Variants in GANC observed in about 807,000 individuals in gnomAD.
GANC encodes glucosidase alpha, neutral C.
In GANC, 117 loss-of-function variants were observed where a neutral mutation model predicts 124.2. That is an observed-to-expected ratio of 0.94 (90% CI 0.81 to 1.10). The LOEUF (loss-of-function observed/expected upper bound fraction) is 1.10. Among genes scored for constraint, GANC ranks in the 50% least tolerant of loss-of-function variants. GANC has a pLI of 0.00. For missense variants in GANC, 1,140 were observed against 1,095.0 expected (o/e 1.04, Z -0.58); for synonymous variants, 377 against 376.8 (o/e 1.00, Z -0.01).
At chr15:42,350,578 G>A (rs1401319454) in intron 22 of GANC, among the ~76,000 whole-genome samples, 1 of 141,320 alleles carries the variant, frequency 7.1e-6, no homozygotes, top group Non-Finnish European at 1.5e-5. Context: ...TTGAGACGGA[G>A]TTTTGCTCTT....
intron 10 of GANC, among the ~76,000 whole-genome samples, chr15:42,317,345 G>C (rs1230129534): frequency 6.6e-6 from 1 of 152,200 alleles, no homozygotes; most frequent in Non-Finnish European, 1.5e-5. Context: ...CTTATATGAA[G>C]TAGCTATGAT....
chr15:42,319,770 T>C (rs1391523044), intron 10 of GANC, among the ~76,000 whole-genome samples: 1 of 152,212 alleles, frequency 6.6e-6, no homozygotes, highest in African/African-American at 2.4e-5. Flanking sequence ...TGTTTCAGTT[T>C]TGGGATTATT....
Position 42,329,446 on chromosome 15 carries a change from T to A in GANC, c.1641T>A (p.Tyr547Ter). Residue 547 changes from tyrosine to a stop codon, truncating the protein, a stop_gained, in exon 14 of 24, where the codon TAT becomes TAA. Coordinates refer to ENST00000318010, the MANE Select transcript of GANC (RefSeq NM_198141.3). LOFTEE classifies it high-confidence loss of function. Reference protein sequence around the residue: ...HRELHNIYGFYHQMATAEGLI... With the variant: ...HRELHNIYGF ...AGCTCCACAACATCTACGGTTTTTA[T>A]CATGTAAGACATCCAAAAAGAATTA... 1 of 1,608,206 alleles carries A rather than the reference T, an allele frequency of 6.2e-7. No homozygotes were observed. The highest frequency in any genetic ancestry group is 8.5e-7 in the Non-Finnish European group (1 of 1,178,134).
chr15:42,282,462 T>C (rs1031426389), intron 3 of GANC, among the ~76,000 whole-genome samples: 1 of 152,200 alleles, frequency 6.6e-6, no homozygotes, highest in Non-Finnish European at 1.5e-5. Flanking sequence ...CATCCACTTA[T>C]TCAGAATGAT....
intron 12 of GANC, 25 bp downstream of exon 12, chr15:42,326,449 T>C (rs1454362460): frequency 3.1e-6 from 5 of 1,613,648 alleles, no homozygotes; most frequent in Non-Finnish European, 4.2e-6. Context: ...TATACACTTA[T>C]TATTTCCACA....
At chr15:42,336,571 T>C (rs2052284854) in intron 15 of GANC, among the ~76,000 whole-genome samples, 1 of 152,170 alleles carries the variant, frequency 6.6e-6, no homozygotes, top group Admixed American at 6.5e-5. Flanking sequence ...GACATGGGAA[T>C]AGGCAAAGAT....
chr15:42,287,326 T>A (rs1170779318), intron 3 of GANC, among the ~76,000 whole-genome samples: 1 of 152,222 alleles, frequency 6.6e-6, no homozygotes, highest in Non-Finnish European at 1.5e-5. Context: ...TTATTCTTAA[T>A]GTATCTGTAG....
intron 12 of GANC, among the ~76,000 whole-genome samples, chr15:42,326,825 T>G (rs1423368680): frequency 6.6e-6 from 1 of 152,166 alleles, no homozygotes; most frequent in Non-Finnish European, 1.5e-5. Context: ...CTTTCATGAG[T>G]CACCTCAGCC....
chr15:42,309,395 C>T (rs887115024), intron 8 of GANC, among the ~76,000 whole-genome samples: 2 of 151,872 alleles, frequency 1.3e-5, no homozygotes, highest in Non-Finnish European at 2.9e-5. Flanking sequence ...TCTCGGCTCA[C>T]TGCAACCTCT....
chr15:42,283,937 G>A (rs1187472368), intron 3 of GANC: 1 of 702,608 alleles, frequency 1.4e-6, no homozygotes, highest in Non-Finnish European at 2.6e-6. Flanking sequence ...TAGAAAATCA[G>A]TGCTTGCAAT....
chr15:42,287,758 C>T lies in GANC; in HGVS notation c.269C>T (p.Thr90Ile), dbSNP rs1224884856. ...NIFRLKINEE[T>I]PLKPRFEVPD... ...TTCAGGCTTAAAATTAATGAAGAGA[C>T]TCCTCTAAAACCCAGATTTGAAGTT... Residue 90 changes from threonine (T) to isoleucine (I), a missense_variant, in exon 4 of 24, where the codon ACT (threonine) becomes ATT (isoleucine). Thr to Ile is a moderately conservative substitution (Grantham distance 89). Transcript: ENST00000318010. 12 of 1,613,278 alleles carry T rather than the reference C, an allele frequency of 7.4e-6. No homozygotes were observed. The highest frequency in any genetic ancestry group is 1.1e-5 in the South Asian group (1 of 91,046).
chr15:42,326,352 G>T lies in GANC; in HGVS notation c.1348G>T (p.Val450Leu). The change falls in exon 12 of 24, where the codon GTG becomes TTG. Residue 450 changes from valine to leucine, a missense_variant. Transcript: ENST00000318010. ...GATTGATCCTGACTACTCAGTATAT[G>T]TGAAGGCCAAAGATCAGGGCTTCTT... Reference protein sequence around the residue: ...IKIDPDYSVYVKAKDQGFFVK... With the variant: ...IKIDPDYSVYLKAKDQGFFVK... The T allele has an allele frequency of 1.9e-6, 3 of 1,614,150 alleles. No homozygotes were observed. Among genetic ancestry groups the T allele is most frequent in the Non-Finnish European group, 1.7e-6 (2 of 1,179,998 alleles).
At chr15:42,350,184 C>T (rs2052414382) in intron 22 of GANC, among the ~76,000 whole-genome samples, 1 of 151,906 alleles carries the variant, frequency 6.6e-6, no homozygotes, top group Non-Finnish European at 1.5e-5. Context: ...GCATGCGCCA[C>T]CACGCCTGGC....
chr15:42,323,519 T>TG (rs60649252), intron 11 of GANC, among the ~76,000 whole-genome samples: 121,787 of 151,380 alleles, frequency 0.8, 51,621 homozygotes, highest in Non-Finnish European at 0.94. Context: ...AATTTTTTTT[T>TG]GGGGACAGAG....
At chr15:42,334,686 A>G (rs1442984115) in intron 15 of GANC, among the ~76,000 whole-genome samples, 5 of 152,134 alleles carry the variant, frequency 3.3e-5, no homozygotes, top group Non-Finnish European at 5.9e-5. Context: ...ACTTGTATCC[A>G]GAATATATAA....
chr15:42,309,227 G>T (rs1414240934), intron 8 of GANC, among the ~76,000 whole-genome samples: 1 of 152,134 alleles, frequency 6.6e-6, no homozygotes, highest in African/African-American at 2.4e-5. Flanking sequence ...AGCAGAAACT[G>T]TGCTGCTCTC....
In GANC at chr15:42,322,026, A is replaced by AG; in HGVS notation, c.1293+6_1293+7insG. On this transcript the variant is annotated splice_region_variant and intron_variant, in intron 11 of 23. Coordinates refer to ENST00000318010, the MANE Select transcript of GANC (RefSeq NM_198141.3). ...TCAGGAGCAAAAAGCGTAAGGTAAAATAAGCCAACATTTCTGAACCTTTTA... is the reference window on the plus strand; with the variant it reads ...TCAGGAGCAAAAAGCGTAAGGTAAAAGTAAGCCAACATTTCTGAACCTTTTA... 6.3e-7 allele frequency: 1 copy of AG among 1,598,946 alleles called. No individual in the cohort carries two copies. Among genetic ancestry groups the AG allele is most frequent in the East Asian group, 2.3e-5 (1 of 44,316 alleles).
intron 3 of GANC, among the ~76,000 whole-genome samples, chr15:42,286,792 T>A (rs1372991461): frequency 6.6e-6 from 1 of 152,236 alleles, no homozygotes; most frequent in Non-Finnish European, 1.5e-5. Flanking sequence ...CATTCTAAGC[T>A]ATGTCACACA....
chr15:42,279,466 A>T (rs1351092701), intron 3 of GANC, among the ~76,000 whole-genome samples: 3 of 152,174 alleles, frequency 2.0e-5, no homozygotes, highest in Non-Finnish European at 1.5e-5. Context: ...GCTTCACTAG[A>T]GGTTACCATA....
Sources: gnomAD v4.1 joint callset for allele counts (sites outside exome capture counted in the v4.1 genomes callset) on GRCh38, gnomAD v4.1.1 for gene constraint, MANE v1.5 for transcripts, NCBI Gene and HGNC (gene_info 2026-07-23, HGNC 2026-07-21) for gene names.